The following PPME1 variants were observed in gnomAD, a reference collection of about 807,000 sequenced individuals.
PPME1 encodes protein phosphatase methylesterase 1.
A neutral mutation model predicts 56.9 loss-of-function variants in PPME1; 17 were observed. That is an observed-to-expected ratio of 0.30 (90% CI 0.20 to 0.45). The LOEUF is 0.45. PPME1 is among the 20% of genes least tolerant of loss of function. The probability of loss-of-function intolerance (pLI) is 1.00; values close to 1 mark genes in which losing one functional copy is unlikely to be tolerated. For synonymous variants in PPME1, 122 were observed against 156.2 expected (o/e 0.78, Z 1.63); for missense variants, 357 against 483.2 (o/e 0.74, Z 2.45).
rs142047256 is a variant in PPME1 at position 74,217,118 on chromosome 11, C to T, written c.289-5194C>T. Among the ~76,000 whole-genome samples the T allele has an allele frequency of 3.3e-4, 51 of 152,256 alleles. No individual in the cohort carries two copies. In the East Asian group the frequency reaches 7.1e-3, roughly 21 times the overall value. On this transcript the variant is annotated intron_variant, in intron 3 of 13. Transcript: ENST00000328257. ...AGGGAATACTTTCAGACTCCTTCTA[C>T]GAGGCTAGTTACCCTAATACCAAAA...
chr11:74,233,879 T>C (rs1398302357), intron 7 of PPME1, among the ~76,000 whole-genome samples: 1 of 152,086 alleles, frequency 6.6e-6, no homozygotes, highest in African/African-American at 2.4e-5. Context: ...AGATACAAAT[T>C]TGCATCTTGG....
At chr11:74,213,413 GC>G (rs980118244) in intron 3 of PPME1, among the ~76,000 whole-genome samples, 2 of 152,188 alleles carry the variant, frequency 1.3e-5, no homozygotes, top group African/African-American at 4.8e-5. Context: ...GCAACCCACT[GC>G]CCTGAAGGGA....
intron 1 of PPME1, among the ~76,000 whole-genome samples, chr11:74,188,299 G>A (rs1022051662): frequency 6.7e-6 from 1 of 149,510 alleles, no homozygotes; most frequent in Non-Finnish European, 1.5e-5. Context: ...GCAATTCTCT[G>A]CCTCAGCCTT....
At position 74,251,672 on chromosome 11, in the gene PPME1, C is replaced by T; in HGVS notation, c.1099C>T (p.Leu367=). ...DKVAEAVATF[L]IRHRFAEPIG... is the part of the protein sequence containing the mutation. Reference sequence around the variant, plus strand: ...GGTAGCTGAAGCTGTTGCCACTTTCCTGATCCGGCACAGGTTTGCAGAACC... The same window carrying T: ...GGTAGCTGAAGCTGTTGCCACTTTCTTGATCCGGCACAGGTTTGCAGAACC... The change falls in exon 13 of 14, where the codon CTG becomes TTG. Residue 367 remains leucine, a synonymous_variant. Transcript: ENST00000328257. 1 of 1,613,880 alleles carries T rather than the reference C, an allele frequency of 6.2e-7. No homozygotes were observed. Among genetic ancestry groups the T allele is most frequent in the Non-Finnish European group, 8.5e-7 (1 of 1,179,818 alleles).
chr11:74,249,099 C>T (rs1859586124), intron 11 of PPME1: 1 of 152,176 alleles, frequency 6.6e-6, no homozygotes, highest in South Asian at 2.1e-4. Context: ...TATGAGATGT[C>T]CTCCTGTTTC....
At chr11:74,233,637 A>T (rs1035115385) in intron 7 of PPME1, among the ~76,000 whole-genome samples, 1 of 151,994 alleles carries the variant, frequency 6.6e-6, no homozygotes, top group African/African-American at 2.4e-5. Flanking sequence ...ACATAGCGAG[A>T]CCCTGTCTCT....
chr11:74,225,446 T>C (rs543023283), intron 5 of PPME1, among the ~76,000 whole-genome samples, 190 bp downstream of exon 5: 2 of 152,320 alleles, frequency 1.3e-5, no homozygotes, highest in Non-Finnish European at 2.9e-5. Flanking sequence ...TGCGTCTTTC[T>C]TGGTGTGTCC....
intron 4 of PPME1, among the ~76,000 whole-genome samples, chr11:74,224,634 T>C (rs1858887620): frequency 7.1e-6 from 1 of 140,678 alleles, no homozygotes; most frequent in Non-Finnish European, 1.5e-5. Flanking sequence ...CAGTGGTTTG[T>C]AGTTCTCCTT....
chr11:74,212,540 GC>G (rs571591523), intron 3 of PPME1, among the ~76,000 whole-genome samples: 154 of 152,214 alleles, frequency 1.0e-3, no homozygotes, highest in Non-Finnish European at 2.1e-3. Context: ...GAGTGCTTAC[GC>G]CACCTCTCCC....
At chr11:74,212,417 C>T (rs1267489185) in intron 3 of PPME1, among the ~76,000 whole-genome samples, 1 of 152,186 alleles carries the variant, frequency 6.6e-6, no homozygotes, top group Non-Finnish European at 1.5e-5. Flanking sequence ...ACTTGAAAAG[C>T]AGACTAGGCC....
In PPME1 at chr11:74,239,257, G is replaced by C; in HGVS notation, c.834+1G>C. ...GAGGAAAAAGGAAGATGACATGGAG[G>C]TGGGTAAAAACATTCATTCTTGAAA... On this transcript the variant is annotated splice_donor_variant, in intron 9 of 13. Coordinates refer to ENST00000328257, the MANE Select transcript of PPME1 (RefSeq NM_016147.3). LOFTEE classifies it high-confidence loss of function. 6.2e-7 allele frequency: 1 copy of C among 1,611,524 alleles called. No homozygotes were observed. Among genetic ancestry groups the C allele is most frequent in the South Asian group, 1.1e-5 (1 of 90,744 alleles).
chr11:74,171,926 A>G (rs1483269030), intron 1 of PPME1, among the ~76,000 whole-genome samples: 4 of 152,182 alleles, frequency 2.6e-5, no homozygotes, highest in Non-Finnish European at 5.9e-5. Context: ...GCCAACAACT[A>G]AGGAAAGGTT....
At chr11:74,219,139 A>G (rs1223985986) in intron 3 of PPME1, among the ~76,000 whole-genome samples, 3 of 152,188 alleles carry the variant, frequency 2.0e-5, no homozygotes, top group African/African-American at 7.2e-5. Flanking sequence ...AAAGGTGCTC[A>G]ACATCACTGA....
chr11:74,208,985 G>T (rs937345801), intron 3 of PPME1, among the ~76,000 whole-genome samples: 3 of 152,172 alleles, frequency 2.0e-5, no homozygotes, highest in African/African-American at 7.2e-5. Context: ...GGAGAGCAGG[G>T]AAAGAAGTGA....
chr11:74,224,076 G>A, intron 4 of PPME1, among the ~76,000 whole-genome samples: 1 of 150,806 alleles, frequency 6.6e-6, no homozygotes, highest in Admixed American at 6.6e-5. Context: ...TATGGTTTTA[G>A]GTCTAACATT....
At chr11:74,172,291 G>A (rs768399015) in intron 1 of PPME1, among the ~76,000 whole-genome samples, 11 of 151,796 alleles carry the variant, frequency 7.2e-5, no homozygotes, top group Non-Finnish European at 1.2e-4. Context: ...AAGCTGGACA[G>A]GATAAGGGAG....
chr11:74,229,737 A>G (rs375479801), intron 5 of PPME1, among the ~76,000 whole-genome samples: 1 of 152,178 alleles, frequency 6.6e-6, no homozygotes, highest in East Asian at 1.9e-4. Context: ...TTTTTTATAG[A>G]TGTCGAAACT....
At chr11:74,225,745 G>A (rs77684008) in intron 5 of PPME1, among the ~76,000 whole-genome samples, 32 of 152,236 alleles carry the variant, frequency 2.1e-4, no homozygotes, top group African/African-American at 7.2e-4. Context: ...ATGTACAGTG[G>A]CTCTTAAAAC....
At chr11:74,171,591 T>C (rs1857230502) in intron 1 of PPME1, 69 bp downstream of exon 1, 2 of 1,500,756 alleles carry the variant, frequency 1.3e-6, no homozygotes, top group African/African-American at 1.4e-5. Flanking sequence ...TCTCTGGGCG[T>C]TCATAGAGGC....
Sources: allele counts gnomAD v4.1 joint callset (sites outside exome capture counted in the v4.1 genomes callset), GRCh38; gene constraint gnomAD v4.1.1; transcripts MANE v1.5; gene names NCBI Gene and HGNC (gene_info 2026-07-23, HGNC 2026-07-21).